ANK2: variants seen among roughly 807,000 people sequenced by gnomAD.
ANK2 encodes the protein ankyrin-2.
ANK2 carries 83 observed loss-of-function variants against 360.5 expected under a neutral mutation model. That is an observed-to-expected ratio of 0.23 (90% CI 0.19 to 0.28). The LOEUF is 0.28. Ranked by LOEUF, ANK2 falls within the 10% of genes least tolerant of loss-of-function variation. The probability of loss-of-function intolerance (pLI) is 1.00; values close to 1 mark genes in which losing one functional copy is unlikely to be tolerated. For synonymous variants in ANK2, 1,740 were observed against 1,759.5 expected (o/e 0.99, Z 0.28); for missense variants, 4,201 against 4,795.7 (o/e 0.88, Z 3.66).
rs151246304 is a variant in ANK2 at position 112,854,064 on chromosome 4, G to A, written c.-40+35800G>A. Reference sequence around the variant, plus strand: ...TGTAAGAAAATAAGGACAATAGTGCGTTACAGGGACTATAATAGAACTATA... The same window carrying A: ...TGTAAGAAAATAAGGACAATAGTGCATTACAGGGACTATAATAGAACTATA... On this transcript the variant is annotated intron_variant, in intron 1 of 30. Coordinates refer to the ANK2 transcript ENST00000503271. Among the ~76,000 whole-genome samples, 111 of 152,302 alleles carry A rather than the reference G, an allele frequency of 7.3e-4. 1 individual carries two copies. Among genetic ancestry groups the A allele is most frequent in the African/African-American group, 2.4e-3 (98 of 41,570 alleles).
the ANK2 span, among the ~76,000 whole-genome samples, chr4:112,715,183 A>C: frequency 4.6e-5 from 7 of 152,068 alleles, no homozygotes; most frequent in African/African-American, 7.2e-5. Context: ...CTCTGTGTGG[A>C]TCTTGGCTTC....
chr4:113,339,363 A>C, intron 32 of ANK2, 41 bp downstream of exon 32: 1 of 1,534,284 alleles, frequency 6.5e-7, no homozygotes, highest in Non-Finnish European at 9.0e-7. Context: ...ATGATATGTT[A>C]CCCTCCAAAA....
chr4:113,118,598 T>C (rs1047998584), intron 1 of ANK2, among the ~76,000 whole-genome samples: 4 of 152,198 alleles, frequency 2.6e-5, no homozygotes, highest in Admixed American at 2.6e-4. Flanking sequence ...GAAATAAAAT[T>C]AGCAGTATAT....
chr4:113,229,361 A>G (rs1279586846), intron 4 of ANK2, among the ~76,000 whole-genome samples: 2 of 152,170 alleles, frequency 1.3e-5, no homozygotes, highest in Non-Finnish European at 2.9e-5. Context: ...CCAGCAGTGT[A>G]GCATCTTCTC....
chr4:113,339,327 C>A lies in ANK2; in HGVS notation c.3893+5C>A, dbSNP rs747391205. On this transcript the variant is annotated splice_donor_5th_base_variant and intron_variant, in intron 32 of 45. Coordinates refer to ENST00000357077, the MANE Select transcript of ANK2 (RefSeq NM_001148.6). ...TACAACAAACGTGTCTGCCAGGTAT[C>A]GTTATATAGCACAGAAAAGCCCACT... is the stretch of plus-strand genomic sequence containing the variant. The A allele has an allele frequency of 6.2e-7, 1 of 1,610,130 alleles. No individual in the cohort carries two copies. The highest frequency in any genetic ancestry group is 2.2e-5 in the East Asian group (1 of 44,846).
the ANK2 span, among the ~76,000 whole-genome samples, chr4:112,778,734 G>T: frequency 6.6e-6 from 1 of 152,160 alleles, no homozygotes; most frequent in African/African-American, 2.4e-5. Flanking sequence ...TAGATTATTC[G>T]TGTTTGTGTT....
chr4:113,050,892 A>G (rs1269160928), intron 1 of ANK2, among the ~76,000 whole-genome samples: 1 of 152,244 alleles, frequency 6.6e-6, no homozygotes. Context: ...AAAGATTGTA[A>G]ATAATTTGCA....
At chr4:112,786,058 T>A in the ANK2 span, among the ~76,000 whole-genome samples, 1 of 152,048 alleles carries the variant, frequency 6.6e-6, no homozygotes, top group South Asian at 2.1e-4. Flanking sequence ...GCCAGGCTAG[T>A]CTTGAACTCC....
intron 23 of ANK2, among the ~76,000 whole-genome samples, chr4:113,306,977 C>T (rs1406780487): frequency 6.6e-6 from 1 of 152,218 alleles, no homozygotes; most frequent in African/African-American, 2.4e-5. Context: ...TTTGTAGGAT[C>T]GTGAGTTGAT....
intron 1 of ANK2, among the ~76,000 whole-genome samples, chr4:112,874,302 C>T (rs576792375): frequency 3.5e-4 from 49 of 141,924 alleles, no homozygotes; most frequent in African/African-American, 1.1e-3. Context: ...AGGCTGGTGT[C>T]GAACTCATGA....
intron 4 of ANK2, among the ~76,000 whole-genome samples, chr4:113,215,888 A>AT (rs1275423584): frequency 6.6e-6 from 1 of 152,156 alleles, no homozygotes; most frequent in Non-Finnish European, 1.5e-5. Flanking sequence ...CATAACTAAT[A>AT]TTTTTAATTC....
At chr4:113,235,231 T>C (rs549392593) in intron 5 of ANK2, among the ~76,000 whole-genome samples, 108 of 152,328 alleles carry the variant, frequency 7.1e-4, no homozygotes, top group African/African-American at 2.4e-3. Context: ...CTTTTCTCAT[T>C]CACAGAGCAT....
At chr4:113,223,558 G>A (rs2099175999) in intron 4 of ANK2, among the ~76,000 whole-genome samples, 1 of 152,068 alleles carries the variant, frequency 6.6e-6, no homozygotes, top group South Asian at 2.1e-4. Context: ...GAGGTTCCAG[G>A]TAAGATAGCA....
chr4:112,982,427 C>T (rs868052122), intron 2 of ANK2, among the ~76,000 whole-genome samples: 45 of 152,262 alleles, frequency 3.0e-4, no homozygotes, highest in Middle Eastern at 3.4e-3. Context: ...TGAACATCCA[C>T]TCGGTAGCAT....
At chr4:113,301,468 T>TC (rs1399284873) in intron 22 of ANK2, among the ~76,000 whole-genome samples, 2 of 152,054 alleles carry the variant, frequency 1.3e-5, no homozygotes, top group African/African-American at 4.8e-5. Flanking sequence ...CACATACATA[T>TC]CCTTTTTTTT....
Position 113,274,634 on chromosome 4 carries a change from C to T in ANK2, c.1668C>T (p.His556=), listed in dbSNP as rs1289363566. 2 of 1,614,152 alleles carry T rather than the reference C, an allele frequency of 1.2e-6. No individual in the cohort carries two copies. The highest frequency in any genetic ancestry group is 2.2e-5 in the East Asian group (1 of 44,880). Residue 556 remains histidine, a synonymous_variant, in exon 15 of 46, where the codon CAC becomes CAT. Transcript: ENST00000357077. ...TCCTATTGGAAGCAGGAGCAGCCCACTCCTTAGCTACCAAGGTAAGGAGAA... is the reference window on the plus strand; with the variant it reads ...TCCTATTGGAAGCAGGAGCAGCCCATTCCTTAGCTACCAAGGTAAGGAGAA... The part of the protein sequence containing the change: ...ASVLLEAGAA[H]SLATKKGFTP...
In ANK2 at chr4:113,356,104, A is replaced by G. The variant is rs1381803079; in HGVS notation, c.7486A>G (p.Thr2496Ala). 1.9e-6 allele frequency: 3 copies of G among 1,614,062 alleles called. No homozygotes were observed. Among genetic ancestry groups the G allele is most frequent in the African/African-American group, 1.3e-5 (1 of 75,012 alleles). Residue 2496 changes from threonine to alanine, a missense_variant, in exon 38 of 46, where the codon ACA becomes GCA. Thr to Ala is a moderately conservative substitution (Grantham distance 58, BLOSUM62 0). Transcript: ENST00000357077. ...HFPLPAAVAK[T>A]ELLTEVASVR... ...TCCTCTTCCTGCAGCTGTTGCCAAA[A>G]CAGAACTCTTGACGGAAGTGGCCTC...
intron 1 of ANK2, 29 bp from the exon 2 acceptor site, chr4:113,174,387 T>G: frequency 1.3e-6 from 2 of 1,546,160 alleles, no homozygotes; most frequent in Non-Finnish European, 1.8e-6. Context: ...CATCAATAGT[T>G]CATTAAAGGT....
chr4:113,212,657 C>G (rs1012078143), intron 4 of ANK2, among the ~76,000 whole-genome samples: 1 of 152,176 alleles, frequency 6.6e-6, no homozygotes, highest in African/African-American at 2.4e-5. Context: ...GCTTTCTACT[C>G]ATGTAAATGT....
Sources: allele counts gnomAD v4.1 joint callset (sites outside exome capture counted in the v4.1 genomes callset), GRCh38; gene constraint gnomAD v4.1.1; transcripts MANE v1.5; gene names NCBI Gene and HGNC (gene_info 2026-07-23, HGNC 2026-07-21).